KLF10: variants seen among roughly 807,000 people sequenced by gnomAD.
KLF10 encodes the protein Krueppel-like factor 10.
KLF10 carries 17 observed loss-of-function variants against 31.6 expected under a neutral mutation model. The observed-to-expected ratio is 0.54, with a 90% CI of 0.37 to 0.81. The LOEUF is 0.81. Among genes scored for constraint, KLF10 ranks in the 30% least tolerant of loss-of-function variants. The pLI, the probability that KLF10 is intolerant of heterozygous loss-of-function variation, is 0.00. For missense variants in KLF10, 525 were observed against 598.1 expected (o/e 0.88, Z 1.27); for synonymous variants, 239 against 215.1 (o/e 1.11, Z -0.97).
rs947271333 is a variant in KLF10, at chr8:102,652,164, A to G, written c.270T>C (p.Phe90=). 3.7e-5 allele frequency: 58 copies of G among 1,573,666 alleles called. No homozygotes were observed. Among genetic ancestry groups the G allele is most frequent in the Non-Finnish European group, 5.0e-5 (58 of 1,158,536 alleles). Residue 90 remains phenylalanine, a splice_region_variant and synonymous_variant, in exon 2 of 4, where the codon TTT becomes TTC. Transcript: ENST00000285407. Reference sequence around the variant, plus strand: ...CTATCTTAAAAACAATAATACTTACAAATGCTGGGATTGTATGAAAATCAG... The same window carrying G: ...CTATCTTAAAAACAATAATACTTACGAATGCTGGGATTGTATGAAAATCAG... ...GTPDFHTIPA[F]CLTPPYSPSD...
rs983994173 is a variant in KLF10, at chr8:102,653,987, G to A, written c.36+1579C>T. The A allele has an allele frequency of 1.0e-5, 10 of 985,288 alleles. No individual in the cohort carries two copies. The African/African-American group carries it at 1.6e-4, about 16-fold the overall frequency. The allele number at this position is 985,288 out of a possible 1,614,324, so 61.0% of individuals were successfully genotyped here. A position where few individuals can be genotyped will look rare whatever the true frequency, so the allele number is the denominator to read the frequency against. The stretch of plus-strand genomic sequence containing the variant: ...AATGAGGCTCACGGGTGAGTCACTG[G>A]GAACATTCCTCGCCGCTCGCACGTC... On this transcript the variant is annotated intron_variant, in intron 1 of 3. Coordinates refer to ENST00000285407, the MANE Select transcript of KLF10 (RefSeq NM_005655.4).
intron 1 of KLF10, among the ~76,000 whole-genome samples, chr8:102,655,302 G>A (rs1484330703): frequency 6.6e-6 from 1 of 151,820 alleles, no homozygotes; most frequent in East Asian, 1.9e-4. Flanking sequence ...TCCATGCGGA[G>A]TTGTCCCTTC....
In KLF10 at chr8:102,651,386, C is replaced by T. The variant is rs141560064; in HGVS notation, c.946G>A (p.Ala316Thr). Residue 316 changes from alanine to threonine, a missense_variant, in exon 3 of 4, where the codon GCT (alanine) becomes ACT (threonine). This residue lies in a region of KLF10 where 434 missense variants were observed against 450.7 expected (regional missense o/e 0.96). Coordinates refer to ENST00000285407, the MANE Select transcript of KLF10 (RefSeq NM_005655.4). ...GGCTGGGGTACCACAAACATGACAG[C>T]GCCTTTGGGGACTTGTGTGCCCATG... The part of the protein sequence containing the change: ...VFMGTQVPKG[A>T]VMFVVPQPVV... The T allele has an allele frequency of 1.4e-3, 2,222 of 1,605,260 alleles. 4 individuals carry two copies. The highest frequency in any genetic ancestry group is 1.7e-3 in the Non-Finnish European group (2,013 of 1,174,958).
At chr8:102,653,875 G>GGGCGGGGGA (rs1827285435) in intron 1 of KLF10, 7 of 954,556 alleles carry the variant, frequency 7.3e-6, no homozygotes, top group Non-Finnish European at 8.7e-6. Context: ...GCGGAGGCGC[G>GGGCGGGGGA]GGCGGGGGAG....
rs1827197118 is a variant in KLF10 at position 102,651,073 on chromosome 8, C to T, written c.1183+76G>A. ...TAGCTAAAGGCAAGTTATTCCTTAT[C>T]ATCCTGGGTTTAAATGTGTGATCAC... On this transcript the variant is annotated intron_variant, in intron 3 of 3. Transcript: ENST00000285407. 4 of 1,326,018 alleles carry T rather than the reference C, an allele frequency of 3.0e-6. No individual in the cohort carries two copies. The Admixed American group carries it at 7.8e-5, about 26-fold the overall frequency. 82.1% of individuals were successfully genotyped at this position (1,326,018 alleles called of 1,614,324 possible).
In KLF10 at chr8:102,650,252, A is replaced by G; in HGVS notation, c.1323T>C (p.Ser441=). Residue 441 remains serine, a synonymous_variant, in exon 4 of 4, where the codon AGT becomes AGC. Coordinates refer to ENST00000285407, the MANE Select transcript of KLF10 (RefSeq NM_005655.4). ...GCCGGGCATGCTTGGTCAAATGGTC[A>G]CTCCTCATGAACCGCCGGTCACACA... ...CPMCDRRFMR[S]DHLTKHARRH... is the part of the protein sequence containing the mutation. 3.7e-6 allele frequency: 6 copies of G among 1,613,604 alleles called. No individual in the cohort carries two copies. The highest frequency in any genetic ancestry group is 5.1e-6 in the Non-Finnish European group (6 of 1,179,906).
At chr8:102,655,535 G>C in intron 1 of KLF10, 31 bp downstream of exon 1, 1 of 1,613,996 alleles carries the variant, frequency 6.2e-7, no homozygotes, top group Non-Finnish European at 8.5e-7. Flanking sequence ...GACCAGGCGA[G>C]GAAGCACAGG....
rs1027626699 is a variant in KLF10, at chr8:102,655,719, C to T, written c.-118G>A. ...CTCCCGCCGCCGCCGCGCTCAGCGC[C>T]GTCTGCCCCCTCCCCATTCAGGTAG... On this transcript the variant is annotated 5_prime_UTR_variant, in exon 1 of 4. Coordinates refer to ENST00000285407, the MANE Select transcript of KLF10 (RefSeq NM_005655.4). The T allele has an allele frequency of 1.0e-5, 12 of 1,188,538 alleles. No homozygotes were observed. Among genetic ancestry groups the T allele is most frequent in the Non-Finnish European group, 1.5e-5 (12 of 821,420 alleles). The allele number at this position is 1,188,538 out of a possible 1,614,324, so 73.6% of individuals were successfully genotyped here.
At position 102,653,543 on chromosome 8, in the gene KLF10, C is replaced by CA. The variant is rs1476248651; in HGVS notation, c.37-1147dup. ...CAAAGTAGAGATTGTGTAAAAATAC[C>CA]AAAAAACATTCTTTACGTTGCAAGG... On this transcript the variant is annotated intron_variant, in intron 1 of 3. Coordinates refer to ENST00000285407, the MANE Select transcript of KLF10 (RefSeq NM_005655.4). 337 of 1,485,856 alleles carry CA rather than the reference C, an allele frequency of 2.3e-4. 2 individuals carry two copies. Among genetic ancestry groups the CA allele is most frequent in the Admixed American group, 8.1e-4 (28 of 34,642 alleles). 92.0% of individuals were successfully genotyped at this position (1,485,856 alleles called of 1,614,324 possible).
rs4734653 is a variant in KLF10, at chr8:102,651,586, G to A, written c.746C>T (p.Ser249Phe). The A allele has an allele frequency of 5.3e-3, 8,528 of 1,614,188 alleles. 307 individuals carry two copies. The East Asian group carries it at 0.11, about 20-fold the overall frequency. Residue 249 changes from serine to phenylalanine, a missense_variant, in exon 3 of 4, where the codon TCC becomes TTC. Physicochemically the swap from Ser to Phe is radical, Grantham distance 155. This residue lies in a region of KLF10 where 434 missense variants were observed against 450.7 expected (regional missense o/e 0.96). Transcript: ENST00000285407. ...VICRSQPAPV[S>F]PQQKSVLVSP... ...GACCAACACTGACTTCTGTTGTGGGGACACAGGGGCTGGCTGAGACCTGCA... is the reference window on the plus strand; with the variant it reads ...GACCAACACTGACTTCTGTTGTGGGAACACAGGGGCTGGCTGAGACCTGCA...
chr8:102,652,449 G>T, intron 1 of KLF10, 52 bp from the exon 2 acceptor site: 24 of 986,864 alleles, frequency 2.4e-5, no homozygotes, highest in South Asian at 1.5e-4. Flanking sequence ...TCATCCAAAT[G>T]ACACACAGAA....
At chr8:102,653,041 A>G (rs1827254635) in intron 1 of KLF10, among the ~76,000 whole-genome samples, 1 of 152,238 alleles carries the variant, frequency 6.6e-6, no homozygotes. Flanking sequence ...AGGGATCCTC[A>G]GGGTATCTTT....
In KLF10 at chr8:102,649,924, A is replaced by G. The variant is rs1827164475; in HGVS notation, c.*208T>C. On this transcript the variant is annotated 3_prime_UTR_variant, in exon 4 of 4. Transcript: ENST00000285407. Reference sequence around the variant, plus strand: ...AAAGCTTTCTCATCTCTCTTATGTGATAAGAAATGAAACCTGCCTTTCTGT... The same window carrying G: ...AAAGCTTTCTCATCTCTCTTATGTGGTAAGAAATGAAACCTGCCTTTCTGT... 1 of 605,448 alleles carries G rather than the reference A, an allele frequency of 1.7e-6. No homozygotes were observed. Among genetic ancestry groups the G allele is most frequent in the Non-Finnish European group, 2.9e-6 (1 of 344,794 alleles). The allele number at this position is 605,448 out of a possible 1,614,324, so 37.5% of individuals were successfully genotyped here.
In KLF10 at chr8:102,649,793, C is replaced by T. The variant is rs767362094; in HGVS notation, c.*339G>A. 7.8e-5 allele frequency: 21 copies of T among 268,122 alleles called. No individual in the cohort carries two copies. The highest frequency in any genetic ancestry group is 1.4e-4 in the Non-Finnish European group (20 of 140,488). The allele number at this position is 268,122 out of a possible 1,614,324, so 16.6% of individuals were successfully genotyped here. A position where few individuals can be genotyped will look rare whatever the true frequency, so the allele number is the denominator to read the frequency against. On this transcript the variant is annotated 3_prime_UTR_variant, in exon 4 of 4. Coordinates refer to ENST00000285407, the MANE Select transcript of KLF10 (RefSeq NM_005655.4). ...AAGAATCACATTGAAAAGTTGGTCT[C>T]AAGTATAAACAGCAAAAGTAAAGTA...
At position 102,650,068 on chromosome 8, in the gene KLF10, T is replaced by A; in HGVS notation, c.*64A>T. 1 of 1,566,064 alleles carries A rather than the reference T, an allele frequency of 6.4e-7. No homozygotes were observed. The highest frequency in any genetic ancestry group is 8.7e-7 in the Non-Finnish European group (1 of 1,152,952). On this transcript the variant is annotated 3_prime_UTR_variant, in exon 4 of 4. Coordinates refer to ENST00000285407, the MANE Select transcript of KLF10 (RefSeq NM_005655.4). ...GGCCACAGACTTGCAGTGGAAGCAT[T>A]TTTACATCACCACTGGCTCCCGCTG... is the stretch of plus-strand genomic sequence containing the variant.
At position 102,652,096 on chromosome 8, in the gene KLF10, TAC is replaced by T. The variant is rs1192663857; in HGVS notation, c.271-37_271-36del. ...AGGGAAATACATAGCATGAGAAATC[TAC>T]AGTTTATTATATAAATTTTAAGAAA... On this transcript the variant is annotated intron_variant, in intron 2 of 3. Transcript: ENST00000285407. 4.0e-6 allele frequency: 6 copies of T among 1,507,596 alleles called. No homozygotes were observed. The South Asian group carries it at 5.3e-5, about 13-fold the overall frequency. The allele number at this position is 1,507,596 out of a possible 1,614,324, so 93.4% of individuals were successfully genotyped here. A position where few individuals can be genotyped will look rare whatever the true frequency, so the allele number is the denominator to read the frequency against.
chr8:102,651,131 A>AT lies in KLF10; in HGVS notation c.1183+17dup. The AT allele has an allele frequency of 1.3e-6, 2 of 1,494,532 alleles. No individual in the cohort carries two copies. Among genetic ancestry groups the AT allele is most frequent in the Non-Finnish European group, 1.8e-6 (2 of 1,120,680 alleles). The allele number at this position is 1,494,532 out of a possible 1,614,324, so 92.6% of individuals were successfully genotyped here. ...ATCTCTTCATTTAAACACTAAAGAT[A>AT]TAAGAAGTGGCTGGTACCTGTGTGC... On this transcript the variant is annotated intron_variant, in intron 3 of 3. Transcript: ENST00000285407.
chr8:102,650,133 C>T lies in KLF10; in HGVS notation c.1442G>A (p.Ter481=), dbSNP rs775767436. 6.2e-7 allele frequency: 1 copy of T among 1,614,092 alleles called. No homozygotes were observed. Among genetic ancestry groups the T allele is most frequent in the Non-Finnish European group, 8.5e-7 (1 of 1,179,950 alleles). Residue 481 remains the stop codon, a stop_retained_variant, in exon 4 of 4, where the codon TGA becomes TAA. Coordinates refer to ENST00000285407, the MANE Select transcript of KLF10 (RefSeq NM_005655.4). The part of the protein sequence containing the change: ...ALPPTPAPTQ[*] ...TCTGACTCTTCACTTTCCGGTCTGT[C>T]ACTGTGTGGGAGCAGGGGTTGGAGG...
rs1324672658 is a variant in KLF10 at position 102,655,568 on chromosome 8, C to T, written c.34G>A (p.Ala12Thr). 4.3e-6 allele frequency: 7 copies of T among 1,614,060 alleles called. No individual in the cohort carries two copies. Among genetic ancestry groups the T allele is most frequent in the Non-Finnish European group, 5.9e-6 (7 of 1,180,018 alleles). The change falls in exon 1 of 4, where the codon GCG (alanine) becomes ACG (threonine). Residue 12 changes from alanine (A) to threonine (T), a missense_variant and splice_region_variant. Transcript: ENST00000285407. ...AGGGGCATCCCCAAATGACTTACCGCAGTCTGCTGGAGAGAGGCACCGAAG... is the reference window on the plus strand; with the variant it reads ...AGGGGCATCCCCAAATGACTTACCGTAGTCTGCTGGAGAGAGGCACCGAAG... ...LNFGASLQQTAEERMEMISER... is the reference protein window; with the variant it reads ...LNFGASLQQTTEERMEMISER...
Sources: gnomAD v4.1 joint callset for allele counts (sites outside exome capture counted in the v4.1 genomes callset) on GRCh38, gnomAD v4.1.1 for gene constraint, gnomAD v4.1.1 regional missense constraint, MANE v1.5 for transcripts, NCBI Gene and HGNC (gene_info 2026-07-23, HGNC 2026-07-21) for gene names.